PGBD5: variants seen among roughly 807,000 people sequenced by gnomAD.
The protein encoded by PGBD5 is piggyBac transposable element-derived protein 5.
In PGBD5, 14 loss-of-function variants were observed where a neutral mutation model predicts 47.9. That is an observed-to-expected ratio of 0.29 (90% CI 0.19 to 0.46). The LOEUF is 0.46. PGBD5 is among the 20% of genes least tolerant of loss of function. The probability of loss-of-function intolerance (pLI) is 1.00; values close to 1 mark genes in which losing one functional copy is unlikely to be tolerated. For missense variants in PGBD5, 635 were observed against 716.0 expected (o/e 0.89, Z 1.29); for synonymous variants, 316 against 306.3 (o/e 1.03, Z -0.33).
At chr1:230,348,025 C>A (rs1183630702) in intron 3 of PGBD5, among the ~76,000 whole-genome samples, 3 of 152,170 alleles carry the variant, frequency 2.0e-5, no homozygotes, top group Non-Finnish European at 4.4e-5. Flanking sequence ...CAAAGCCAGC[C>A]TCAGAAACAG....
chr1:230,402,411 A>C lies in PGBD5; in HGVS notation c.331+23187T>G, dbSNP rs1170386689. Among the ~76,000 whole-genome samples the C allele has an allele frequency of 7.2e-5, 11 of 152,346 alleles. No homozygotes were observed. In the South Asian group the frequency reaches 1.2e-3, roughly 17 times the overall value. On this transcript the variant is annotated intron_variant, in intron 1 of 6. Coordinates refer to ENST00000391860, the MANE Select transcript of PGBD5 (RefSeq NM_001258311.2). The stretch of plus-strand genomic sequence containing the variant: ...AGACCCAAACAAAAAGCTTTTAATG[A>C]TAGCAATAGCAACATTTTAACTTTT...
intron 1 of PGBD5, among the ~76,000 whole-genome samples, chr1:230,422,511 G>A (rs1433060142): frequency 6.6e-6 from 1 of 152,136 alleles, no homozygotes; most frequent in African/African-American, 2.4e-5. Context: ...AGGCATTTCA[G>A]CTCCCAGGCA....
At position 230,323,283 on chromosome 1, in the gene PGBD5, T is replaced by C. The variant is rs1422138850; in HGVS notation, c.*142A>G. ...AACCGTCCTCTGACCAGGTCCATCC[T>C]GTCCCTCCAGAGGCCCTGTGCATCC... is the stretch of plus-strand genomic sequence containing the variant. On this transcript the variant is annotated 3_prime_UTR_variant, in exon 7 of 7. Coordinates refer to ENST00000391860, the MANE Select transcript of PGBD5 (RefSeq NM_001258311.2). This position sits in a 1 kb window ranked among gnomAD's most constrained non-coding sequence, Gnocchi z 4.1. 2 of 895,852 alleles carry C rather than the reference T, an allele frequency of 2.2e-6. No homozygotes were observed. Among genetic ancestry groups the C allele is most frequent in the Non-Finnish European group, 3.3e-6 (2 of 600,314 alleles). 55.5% of individuals were successfully genotyped at this position (895,852 alleles called of 1,614,324 possible).
At chr1:230,407,786 G>A (rs1368767301) in intron 1 of PGBD5, among the ~76,000 whole-genome samples, 2 of 152,182 alleles carry the variant, frequency 1.3e-5, no homozygotes, top group Non-Finnish European at 2.9e-5. Flanking sequence ...AAGCGATTAT[G>A]AGAGGAAACA....
intron 1 of PGBD5, among the ~76,000 whole-genome samples, chr1:230,396,708 C>A (rs1656989078): frequency 6.6e-6 from 1 of 151,798 alleles, no homozygotes; most frequent in Non-Finnish European, 1.5e-5. Flanking sequence ...AGTTACAAAA[C>A]CATGGTGTCC....
At chr1:230,409,783 T>A (rs1322301127) in intron 1 of PGBD5, among the ~76,000 whole-genome samples, 1 of 152,086 alleles carries the variant, frequency 6.6e-6, no homozygotes, top group African/African-American at 2.4e-5. Flanking sequence ...CTGAATTATT[T>A]TATAATAAAG....
At chr1:230,358,631 T>C (rs1667696438) in intron 1 of PGBD5, among the ~76,000 whole-genome samples, 1 of 151,770 alleles carries the variant, frequency 6.6e-6, no homozygotes, top group African/African-American at 2.4e-5. Flanking sequence ...GAACTGCATA[T>C]AGGATGGTGG....
intron 3 of PGBD5, among the ~76,000 whole-genome samples, chr1:230,339,306 C>T (rs1288750667): frequency 2.0e-5 from 3 of 152,212 alleles, no homozygotes; most frequent in Admixed American, 6.5e-5. Context: ...ACACCTTCCC[C>T]GTCCAAACAC....
intron 1 of PGBD5, among the ~76,000 whole-genome samples, chr1:230,390,234 C>T (rs1656751912): frequency 6.6e-6 from 1 of 152,168 alleles, no homozygotes; most frequent in Non-Finnish European, 1.5e-5. Flanking sequence ...AATCCAGTTC[C>T]ATGGTGAGCC....
rs534657430 is a variant in PGBD5 at position 230,368,925 on chromosome 1, G to A, written c.332-11604C>T. ...GTGAGGTTCAACACACAGTCTCAGG[G>A]ATACACAGAATTGGTTGGACATAAA... On this transcript the variant is annotated intron_variant, in intron 1 of 6. Transcript: ENST00000391860. Among the ~76,000 whole-genome samples the A allele has an allele frequency of 2.0e-5, 3 of 152,352 alleles. No individual in the cohort carries two copies. The East Asian group carries it at 5.8e-4, about 29-fold the overall frequency.
intron 1 of PGBD5, among the ~76,000 whole-genome samples, chr1:230,397,776 G>A (rs1468142973): frequency 6.6e-6 from 1 of 152,210 alleles, no homozygotes; most frequent in Non-Finnish European, 1.5e-5. Flanking sequence ...GGCAGGCTCA[G>A]AGCTTCTGAA....
At chr1:230,385,667 G>A (rs1195002066) in intron 1 of PGBD5, among the ~76,000 whole-genome samples, 1 of 152,146 alleles carries the variant, frequency 6.6e-6, no homozygotes, top group African/African-American at 2.4e-5. Context: ...TATACTGTTT[G>A]CATTTTGGTA....
At chr1:230,408,926 A>T (rs1224901554) in intron 1 of PGBD5, among the ~76,000 whole-genome samples, 1 of 152,208 alleles carries the variant, frequency 6.6e-6, no homozygotes, top group Non-Finnish European at 1.5e-5. Context: ...CAACCCACTA[A>T]ATGGAAGAAA....
chr1:230,344,050 C>T (rs1248076881), intron 3 of PGBD5, among the ~76,000 whole-genome samples: 1 of 152,142 alleles, frequency 6.6e-6, no homozygotes, highest in Non-Finnish European at 1.5e-5. Flanking sequence ...CTTTGAGAGG[C>T]CGAGGCGGGC....
At chr1:230,356,533 A>G (rs753090441) in intron 2 of PGBD5, among the ~76,000 whole-genome samples, 38 of 152,160 alleles carry the variant, frequency 2.5e-4, no homozygotes, top group Non-Finnish European at 1.2e-4. Context: ...TTCGTCACCA[A>G]CAGGTGAGGC....
chr1:230,325,954 C>T (rs958767966), intron 5 of PGBD5, among the ~76,000 whole-genome samples: 11 of 152,044 alleles, frequency 7.2e-5, no homozygotes, highest in Admixed American at 7.2e-4. Context: ...GAGCACTAGA[C>T]CTCACTCCTC....
chr1:230,374,131 A>T lies in PGBD5; in HGVS notation c.332-16810T>A, dbSNP rs554498253. Among the ~76,000 whole-genome samples the T allele has an allele frequency of 7.2e-5, 11 of 152,344 alleles. No individual in the cohort carries two copies. The East Asian group carries it at 1.9e-3, about 27-fold the overall frequency. On this transcript the variant is annotated intron_variant, in intron 1 of 6. Transcript: ENST00000391860. Reference sequence around the variant, plus strand: ...GAGGAATATTTAAGAATATAAAAAAACTTTTGGCCAGGCAGGGTGGCTCAT... The same window carrying T: ...GAGGAATATTTAAGAATATAAAAAATCTTTTGGCCAGGCAGGGTGGCTCAT...
In PGBD5 at chr1:230,323,793, G is replaced by T. The variant is rs918392299; in HGVS notation, c.1380-173C>A. ...TTGGGATGTTAGGTGAGTTCCAGCT[G>T]GGGGTTTTGTCACAGTGAACTTCAT... On this transcript the variant is annotated intron_variant, in intron 6 of 6. Transcript: ENST00000391860. The surrounding 1 kb of genome is among the most constrained non-coding windows in gnomAD (Gnocchi z 4.1). 6.6e-5 allele frequency among the ~76,000 whole-genome samples: 10 copies of T among 152,194 alleles called. No homozygotes were observed. The highest frequency in any genetic ancestry group is 2.4e-4 in the African/African-American group (10 of 41,456).
chr1:230,338,078 G>A lies in PGBD5; in HGVS notation c.895-790C>T, dbSNP rs1036740075. Among the ~76,000 whole-genome samples the A allele has an allele frequency of 7.2e-5, 11 of 152,234 alleles. 1 individual carries two copies. The highest frequency in any genetic ancestry group is 7.2e-4 in the Admixed American group (11 of 15,290). ...ACTGCAAACCAGAACTGCTAGAGAA[G>A]TTCATAGATCTGAGCCTGCCACAGA... On this transcript the variant is annotated intron_variant, in intron 3 of 6. Transcript: ENST00000391860.
Sources: allele counts gnomAD v4.1 joint callset (sites outside exome capture counted in the v4.1 genomes callset), GRCh38; gene constraint gnomAD v4.1.1; non-coding constraint Gnocchi (gnomAD v3.1); transcripts MANE v1.5; gene names NCBI Gene and HGNC (gene_info 2026-07-23, HGNC 2026-07-21).